The following KIF21A variants were observed in gnomAD, a reference collection of about 807,000 sequenced individuals.
The protein encoded by KIF21A is kinesin-like protein KIF21A.
A neutral mutation model predicts 202.9 loss-of-function variants in KIF21A; 114 were observed. The ratio of observed to expected loss-of-function variants is 0.56; its 90% CI spans 0.48 to 0.66. KIF21A has a LOEUF of 0.66. Ranked by LOEUF, KIF21A falls within the 30% of genes least tolerant of loss-of-function variation. The probability of loss-of-function intolerance (pLI) is 0.00; values close to 1 mark genes in which losing one functional copy is unlikely to be tolerated. For synonymous variants in KIF21A, 667 were observed against 670.8 expected, an observed-to-expected ratio of 0.99 and a Z score of 0.09; for missense variants, 1,677 against 1,994.9, an observed-to-expected ratio of 0.84 and a Z score of 3.04.
At chr12:39,341,124 T>C (rs749244006) in intron 14 of KIF21A, 30 bp from the exon 15 acceptor site, 1 of 1,504,296 alleles carries the variant, frequency 6.6e-7, no homozygotes, top group East Asian at 2.4e-5. Context: ...ATAAAAATCC[T>C]GGTGCTAGGC....
chr12:39,322,970 T>C (rs1276276392), intron 26 of KIF21A, 88 bp from the exon 27 acceptor site: 1 of 997,208 alleles, frequency 1.0e-6, no homozygotes, highest in Non-Finnish European at 1.5e-6. Flanking sequence ...GAGTTTGAAA[T>C]AGGTAAAACA....
At chr12:39,362,937 AC>A (rs1949342081) in intron 7 of KIF21A, among the ~76,000 whole-genome samples, 160 bp downstream of exon 7, 1 of 152,216 alleles carries the variant, frequency 6.6e-6, no homozygotes, top group Non-Finnish European at 1.5e-5. Flanking sequence ...GAAATAACAT[AC>A]AAAATTATTC....
intron 1 of KIF21A, among the ~76,000 whole-genome samples, chr12:39,392,720 CAT>C (rs1951459862): frequency 1.3e-5 from 2 of 151,072 alleles, no homozygotes; most frequent in Admixed American, 6.6e-5. Context: ...ACTGTGCACT[CAT>C]ATGTTCAAGT....
At chr12:39,419,075 GTGAA>G (rs1555199487) in intron 1 of KIF21A, among the ~76,000 whole-genome samples, 4 of 152,148 alleles carry the variant, frequency 2.6e-5, no homozygotes, top group Non-Finnish European at 5.9e-5. Context: ...TATTTGTTAA[GTGAA>G]TGAATAAATG....
At chr12:39,439,000 A>C (rs1446971232) in intron 1 of KIF21A, among the ~76,000 whole-genome samples, 1 of 152,236 alleles carries the variant, frequency 6.6e-6, no homozygotes, top group Non-Finnish European at 1.5e-5. Flanking sequence ...TAAGCCATCC[A>C]TTCAACTTAC....
intron 10 of KIF21A, among the ~76,000 whole-genome samples, chr12:39,354,855 A>G (rs376618484): frequency 1.1e-3 from 171 of 152,286 alleles, no homozygotes; most frequent in African/African-American, 3.8e-3. Flanking sequence ...GAGCCCCATA[A>G]TAACTCTCTG....
At chr12:39,343,316 C>T (rs1041683930) in intron 12 of KIF21A, among the ~76,000 whole-genome samples, 11 of 151,834 alleles carry the variant, frequency 7.2e-5, no homozygotes, top group African/African-American at 1.7e-4. Flanking sequence ...GGCAAGATTG[C>T]GCCACTGCAC....
chr12:39,355,044 C>T (rs564647730), intron 10 of KIF21A, among the ~76,000 whole-genome samples: 3 of 152,190 alleles, frequency 2.0e-5, no homozygotes, highest in Non-Finnish European at 2.9e-5. Context: ...ATAATCCTGG[C>T]CTTCTAGAAG....
chr12:39,417,746 C>A (rs1953891446), intron 1 of KIF21A, among the ~76,000 whole-genome samples: 1 of 151,902 alleles, frequency 6.6e-6, no homozygotes, highest in African/African-American at 2.4e-5. Flanking sequence ...AATTTAAAAC[C>A]TGAACTAGGG....
Position 39,330,754 on chromosome 12 carries a change from G to A in KIF21A, c.3311C>T (p.Ala1104Val). The stretch of plus-strand genomic sequence containing the variant: ...AATTGAGAGCAAATTACCTTGTAAA[G>A]CATGGCCTAGTAAAGCATCTAGCTC... ...NPELDALLGH[A>V]LQDLDSVPLE... The change falls in exon 23 of 38, where the codon GCT (alanine) becomes GTT (valine). Residue 1104 changes from alanine (A) to valine (V), a missense_variant. Around this residue, in one of 3 missense-constraint regions of KIF21A, gnomAD observed 705 missense variants for 791.9 expected, o/e 0.89. Transcript: ENST00000361418. 3 of 1,613,870 alleles carry A rather than the reference G, an allele frequency of 1.9e-6. No homozygotes were observed. Among genetic ancestry groups the A allele is most frequent in the Non-Finnish European group, 2.5e-6 (3 of 1,179,788 alleles).
chr12:39,316,765 G>C (rs1944592680), intron 29 of KIF21A, among the ~76,000 whole-genome samples: 1 of 152,192 alleles, frequency 6.6e-6, no homozygotes, highest in Non-Finnish European at 1.5e-5. Context: ...AGAAAGTAAT[G>C]TAAAGGGGTA....
chr12:39,327,005 A>G (rs1335625095), intron 24 of KIF21A, among the ~76,000 whole-genome samples: 2 of 152,190 alleles, frequency 1.3e-5, no homozygotes, highest in Non-Finnish European at 2.9e-5. Context: ...TTAAACATAT[A>G]AAACTGTTAG....
At position 39,342,029 on chromosome 12, in the gene KIF21A, C is replaced by A; in HGVS notation, c.1803+5G>T. ...AAACTGACAAGTTCATTCTTTCATACTTACCACTTCTAATTCATTGTTTTC... is the reference window on the plus strand; with the variant it reads ...AAACTGACAAGTTCATTCTTTCATAATTACCACTTCTAATTCATTGTTTTC... On this transcript the variant is annotated splice_donor_5th_base_variant and intron_variant, in intron 13 of 37. Coordinates refer to ENST00000361418, the MANE Select transcript of KIF21A (RefSeq NM_001173464.2). The A allele has an allele frequency of 2.5e-6, 4 of 1,592,238 alleles. No homozygotes were observed. The South Asian group carries it at 4.4e-5, about 18-fold the overall frequency.
At chr12:39,432,740 A>G (rs1938124904) in intron 1 of KIF21A, among the ~76,000 whole-genome samples, 1 of 152,006 alleles carries the variant, frequency 6.6e-6, no homozygotes, top group Non-Finnish European at 1.5e-5. Flanking sequence ...CCTCCCAAGT[A>G]GCTGGGATTA....
At chr12:39,365,882 C>T (rs1471370236) in intron 6 of KIF21A, among the ~76,000 whole-genome samples, 3 of 152,000 alleles carry the variant, frequency 2.0e-5, no homozygotes, top group East Asian at 1.9e-4. Flanking sequence ...TGGTGGCACT[C>T]GCCTGTGGTC....
At chr12:39,297,787 A>G (rs1408940026) in intron 37 of KIF21A, among the ~76,000 whole-genome samples, 1 of 151,574 alleles carries the variant, frequency 6.6e-6, no homozygotes, top group Non-Finnish European at 1.5e-5. Context: ...AAATCAAAAT[A>G]AACAAGAAAA....
chr12:39,379,746 C>T (rs756980619), intron 1 of KIF21A, among the ~76,000 whole-genome samples: 4 of 152,172 alleles, frequency 2.6e-5, no homozygotes, highest in Admixed American at 6.5e-5. Flanking sequence ...CCAAAGGCCA[C>T]AGCTCCTATT....
At chr12:39,308,281 G>A (rs145105498) in intron 33 of KIF21A, among the ~76,000 whole-genome samples, 1,661 of 151,824 alleles carry the variant, frequency 0.011, 38 homozygotes, top group African/African-American at 0.036. Flanking sequence ...CCAGCTACTC[G>A]GGAGGCTGAG....
intron 16 of KIF21A, among the ~76,000 whole-genome samples, chr12:39,338,585 A>G (rs1173386095): frequency 6.6e-6 from 1 of 152,090 alleles, no homozygotes; most frequent in Non-Finnish European, 1.5e-5. Flanking sequence ...AGTCCTGCAA[A>G]CTCCCTTCAT....
Sources: allele counts gnomAD v4.1 joint callset (sites outside exome capture counted in the v4.1 genomes callset), GRCh38; gene constraint gnomAD v4.1.1; regional missense constraint gnomAD v4.1.1; transcripts MANE v1.5; gene names NCBI Gene and HGNC (gene_info 2026-07-23, HGNC 2026-07-21).